The following DNAAF9 variants were observed in gnomAD, a reference collection of about 807,000 sequenced individuals.
The protein encoded by DNAAF9 is dynein axonemal assembly factor 9.
DNAAF9 carries 90 observed loss-of-function variants against 167.0 expected under a neutral mutation model. That is an observed-to-expected ratio of 0.54 (90% CI 0.45 to 0.64). DNAAF9 has a LOEUF of 0.64. Ranked by LOEUF, DNAAF9 falls within the 30% of genes least tolerant of loss-of-function variation. DNAAF9 has a pLI of 0.00. For synonymous variants in DNAAF9, 491 were observed against 508.8 expected (o/e 0.96, Z 0.47); for missense variants, 1,315 against 1,442.2 (o/e 0.91, Z 1.43).
chr20:3,307,868 G>A (rs2069328456), intron 20 of DNAAF9, among the ~76,000 whole-genome samples: 1 of 151,562 alleles, frequency 6.6e-6, no homozygotes, highest in South Asian at 2.1e-4. Context: ...GTCTATGTGA[G>A]GAGGGAACAT....
Position 3,359,554 on chromosome 20 carries a change from T to C in DNAAF9, c.652A>G (p.Lys218Glu). Residue 218 changes from lysine to glutamate, a missense_variant, in exon 7 of 37, where the codon AAG becomes GAG. Transcript: ENST00000252032. ...VSLNLWNVYSKMDPMSLESLL... is the reference protein window; with the variant it reads ...VSLNLWNVYSEMDPMSLESLL... The stretch of plus-strand genomic sequence containing the variant: ...CTCTCCAGAGACATAGGATCCATCT[T>C]GCTGTAGACATTCCATAGATTCAAA... The C allele has an allele frequency of 6.2e-7, 1 of 1,612,786 alleles. No individual in the cohort carries two copies.
intron 20 of DNAAF9, chr20:3,307,235 TG>T: frequency 1.3e-6 from 1 of 775,954 alleles, no homozygotes; most frequent in Non-Finnish European, 1.6e-6. Flanking sequence ...AAGACAGTGC[TG>T]GAAGAGCTCA....
chr20:3,273,805 A>G (rs1454166330), intron 29 of DNAAF9, among the ~76,000 whole-genome samples: 3 of 152,234 alleles, frequency 2.0e-5, no homozygotes, highest in African/African-American at 4.8e-5. Flanking sequence ...TCCTGTCCAG[A>G]CACCTAAATT....
intron 29 of DNAAF9, among the ~76,000 whole-genome samples, chr20:3,278,110 T>C (rs1362085609): frequency 1.3e-5 from 2 of 152,126 alleles, no homozygotes; most frequent in Non-Finnish European, 2.9e-5. Context: ...TCACAGATAA[T>C]ATGACTAGAA....
chr20:3,407,380 A>G, intron 1 of DNAAF9, 95 bp downstream of exon 1: 1 of 1,039,296 alleles, frequency 9.6e-7, no homozygotes. Flanking sequence ...CGAGGAAGCC[A>G]TGTCGGACCA....
chr20:3,287,349 G>A (rs1363073496), intron 27 of DNAAF9, among the ~76,000 whole-genome samples: 2 of 152,214 alleles, frequency 1.3e-5, no homozygotes, highest in African/African-American at 2.4e-5. Context: ...GACCACTACT[G>A]CTGCAAAAAT....
intron 33 of DNAAF9, 33 bp from the exon 34 acceptor site, chr20:3,256,244 C>G: frequency 6.7e-7 from 1 of 1,488,054 alleles, no homozygotes; most frequent in South Asian, 1.1e-5. Context: ...TCCCTGAGAG[C>G]CTGCCTTGAA....
chr20:3,291,190 G>C (rs1229954254), intron 25 of DNAAF9, among the ~76,000 whole-genome samples: 2 of 152,070 alleles, frequency 1.3e-5, no homozygotes, highest in African/African-American at 2.4e-5. Context: ...TACACCCACA[G>C]GAAAATAGGT....
intron 10 of DNAAF9, among the ~76,000 whole-genome samples, chr20:3,337,430 C>CT (rs1280999955): frequency 9.7e-5 from 10 of 102,664 alleles, no homozygotes; most frequent in East Asian, 2.6e-4. Context: ...CGCCCAGGTT[C>CT]TTTTTTTTTG....
intron 17 of DNAAF9, 114 bp downstream of exon 17, chr20:3,318,175 T>G: frequency 1.8e-6 from 1 of 567,874 alleles, no homozygotes; most frequent in South Asian, 2.0e-5. Flanking sequence ...TGATCATCAG[T>G]TCTAATATTT....
At chr20:3,363,010 C>T (rs1190681946) in intron 6 of DNAAF9, among the ~76,000 whole-genome samples, 1 of 152,118 alleles carries the variant, frequency 6.6e-6, no homozygotes. Flanking sequence ...GGGCAGATCA[C>T]CTCAGGTCAG....
At chr20:3,306,617 T>G (rs567827033) in intron 20 of DNAAF9, among the ~76,000 whole-genome samples, 2 of 152,238 alleles carry the variant, frequency 1.3e-5, no homozygotes, top group African/African-American at 4.8e-5. Flanking sequence ...GTTTGTCTGA[T>G]GCCAAAGACA....
At chr20:3,342,268 GT>G (rs1387154125) in intron 9 of DNAAF9, among the ~76,000 whole-genome samples, 1 of 152,098 alleles carries the variant, frequency 6.6e-6, no homozygotes, top group Non-Finnish European at 1.5e-5. Flanking sequence ...ATTTATCTCT[GT>G]TCATTATTCA....
intron 29 of DNAAF9, among the ~76,000 whole-genome samples, chr20:3,271,385 T>C (rs1402474975): frequency 6.6e-6 from 1 of 152,068 alleles, no homozygotes; most frequent in Non-Finnish European, 1.5e-5. Flanking sequence ...GGGTGGCCCA[T>C]GTAAGAAGAG....
chr20:3,279,057 G>C (rs969725665), intron 28 of DNAAF9, 108 bp from the exon 29 acceptor site: 7 of 796,030 alleles, frequency 8.8e-6, no homozygotes, highest in South Asian at 3.1e-5. Flanking sequence ...TGACTCACAT[G>C]ATGAGGCAGG....
chr20:3,341,985 G>A (rs1255987468), intron 9 of DNAAF9, among the ~76,000 whole-genome samples: 1 of 152,104 alleles, frequency 6.6e-6, no homozygotes, highest in East Asian at 1.9e-4. Flanking sequence ...CACCGTGTTA[G>A]CCAGGATGGT....
At chr20:3,328,327 G>A (rs1450879778) in intron 12 of DNAAF9, among the ~76,000 whole-genome samples, 3 of 151,878 alleles carry the variant, frequency 2.0e-5, no homozygotes, top group African/African-American at 7.3e-5. Context: ...GATTACAGGC[G>A]CCTGCCACCG....
intron 31 of DNAAF9, among the ~76,000 whole-genome samples, chr20:3,262,777 C>T (rs189381375): frequency 6.6e-6 from 1 of 152,188 alleles, no homozygotes; most frequent in East Asian, 1.9e-4. Flanking sequence ...CCCAGAAGCT[C>T]CATTTGTTTA....
chr20:3,296,304 C>T (rs2069077066), intron 23 of DNAAF9: 1 of 378,092 alleles, frequency 2.6e-6, no homozygotes, highest in African/African-American at 2.1e-5. Flanking sequence ...CGGCGCCCAA[C>T]ACCATGCTTG....
Sources: gnomAD v4.1 joint callset for allele counts (sites outside exome capture counted in the v4.1 genomes callset) on GRCh38, gnomAD v4.1.1 for gene constraint, MANE v1.5 for transcripts, NCBI Gene and HGNC (gene_info 2026-07-23, HGNC 2026-07-21) for gene names.